The following ROBO1 variants were observed in gnomAD, a reference collection of about 807,000 sequenced individuals.
ROBO1 encodes roundabout homolog 1.
ROBO1 carries 149 observed loss-of-function variants against 195.9 expected under a neutral mutation model. The observed-to-expected ratio is 0.76, with a 90% CI of 0.67 to 0.87. The LOEUF (loss-of-function observed/expected upper bound fraction) is 0.87. ROBO1 is among the 40% of genes least tolerant of loss of function. The pLI is 0.00. For synonymous variants in ROBO1, 816 were observed against 733.2 expected, an observed-to-expected ratio of 1.11 and a Z score of -1.82; for missense variants, 1,933 against 2,068.3, an observed-to-expected ratio of 0.93 and a Z score of 1.27.
chr3:78,816,524 T>C (rs747604555), intron 4 of ROBO1, among the ~76,000 whole-genome samples: 53 of 152,266 alleles, frequency 3.5e-4, no homozygotes, highest in Non-Finnish European at 6.3e-4. Context: ...ATAGCTGCCA[T>C]AATGATTCCT....
intron 1 of ROBO1, among the ~76,000 whole-genome samples, chr3:79,748,062 G>A (rs917586912): frequency 5.3e-5 from 8 of 151,926 alleles, no homozygotes; most frequent in South Asian, 2.1e-4. Flanking sequence ...TACTACTGCA[G>A]ATTTTGTTAG....
intron 2 of ROBO1, among the ~76,000 whole-genome samples, chr3:79,393,365 T>C (rs1006010559): frequency 1.3e-5 from 2 of 152,240 alleles, no homozygotes; most frequent in African/African-American, 4.8e-5. Flanking sequence ...TCTTCACCAC[T>C]GTATGCTGGT....
At chr3:79,557,956 C>T (rs912144547) in intron 2 of ROBO1, among the ~76,000 whole-genome samples, 12 of 151,850 alleles carry the variant, frequency 7.9e-5, no homozygotes, top group African/African-American at 2.9e-4. Flanking sequence ...AGTTAACAGA[C>T]ATTGAGTGCT....
intron 21 of ROBO1, among the ~76,000 whole-genome samples, chr3:78,642,043 A>G (rs915555450): frequency 6.6e-6 from 1 of 152,044 alleles, no homozygotes; most frequent in African/African-American, 2.4e-5. Context: ...ACCTACTCTA[A>G]TAAGGGTTCT....
intron 2 of ROBO1, among the ~76,000 whole-genome samples, chr3:79,442,731 T>C (rs1383346585): frequency 2.6e-5 from 4 of 152,138 alleles, no homozygotes; most frequent in African/African-American, 9.7e-5. Context: ...TTGATACAAA[T>C]CAGCTTCAAA....
intron 8 of ROBO1, among the ~76,000 whole-genome samples, chr3:78,695,402 G>T (rs1248064208): frequency 6.6e-6 from 1 of 152,060 alleles, no homozygotes. Context: ...AAGGCAGGCG[G>T]ATCATGAAGT....
At chr3:79,156,593 C>T (rs962030042) in intron 2 of ROBO1, among the ~76,000 whole-genome samples, 1 of 151,792 alleles carries the variant, frequency 6.6e-6, no homozygotes, top group Non-Finnish European at 1.5e-5. Context: ...GACAATTCAT[C>T]TATCAAATCA....
At chr3:78,773,474 T>C (rs1184416696) in intron 4 of ROBO1, among the ~76,000 whole-genome samples, 2 of 151,748 alleles carry the variant, frequency 1.3e-5, no homozygotes, top group African/African-American at 4.8e-5. Flanking sequence ...TTTAAAATGA[T>C]TAAACTGTTG....
intron 2 of ROBO1, among the ~76,000 whole-genome samples, chr3:79,537,034 A>AAT (rs984883970): frequency 3.0e-5 from 3 of 100,060 alleles, no homozygotes; most frequent in Non-Finnish European, 6.9e-5. Context: ...TAAAAGAAAC[A>AAT]ATATTTTTTT....
chr3:78,603,558 T>C (rs1249758057), intron 29 of ROBO1, among the ~76,000 whole-genome samples: 3 of 152,164 alleles, frequency 2.0e-5, no homozygotes, highest in South Asian at 2.1e-4. Context: ...GTGTTTGATA[T>C]ATGTAGAAAT....
intron 8 of ROBO1, among the ~76,000 whole-genome samples, chr3:78,691,451 T>A (rs1241300773): frequency 6.6e-6 from 1 of 152,132 alleles, no homozygotes; most frequent in Non-Finnish European, 1.5e-5. Context: ...TTAAAAAAAT[T>A]CATTTTAAGG....
chr3:79,562,419 G>A (rs1942952215), intron 2 of ROBO1, among the ~76,000 whole-genome samples: 1 of 151,912 alleles, frequency 6.6e-6, no homozygotes, highest in Admixed American at 6.6e-5. Context: ...CGTAACTTAT[G>A]AAAAAATGCT....
At chr3:79,166,841 T>C (rs932798620) in intron 2 of ROBO1, among the ~76,000 whole-genome samples, 1 of 152,196 alleles carries the variant, frequency 6.6e-6, no homozygotes, top group African/African-American at 2.4e-5. Context: ...CACTAATGTA[T>C]TATCAGTGCC....
chr3:78,953,730 GC>G (rs2107789221), intron 3 of ROBO1, among the ~76,000 whole-genome samples: 1 of 152,070 alleles, frequency 6.6e-6, no homozygotes, highest in East Asian at 1.9e-4. Context: ...TTCAAATCTA[GC>G]CTCTGGTACT....
chr3:79,175,700 T>C (rs2081252290), intron 2 of ROBO1, among the ~76,000 whole-genome samples: 1 of 152,206 alleles, frequency 6.6e-6, no homozygotes, highest in Non-Finnish European at 1.5e-5. Context: ...TATATTCTTC[T>C]AAGACACACA....
chr3:78,891,539 C>T (rs1469015429), intron 4 of ROBO1, among the ~76,000 whole-genome samples: 1 of 152,130 alleles, frequency 6.6e-6, no homozygotes, highest in Non-Finnish European at 1.5e-5. Flanking sequence ...TCTGGCTGGT[C>T]TTTTATAAAG....
At chr3:79,497,495 G>A (rs1266252831) in intron 2 of ROBO1, among the ~76,000 whole-genome samples, 1 of 152,060 alleles carries the variant, frequency 6.6e-6, no homozygotes, top group Non-Finnish European at 1.5e-5. Context: ...TGAAATCAGA[G>A]CAACATTCAC....
chr3:78,816,294 G>A (rs992816686), intron 4 of ROBO1, among the ~76,000 whole-genome samples: 40 of 152,200 alleles, frequency 2.6e-4, no homozygotes, highest in African/African-American at 9.6e-4. Context: ...TGGGCCCATT[G>A]TTGAGACCTA....
intron 4 of ROBO1, among the ~76,000 whole-genome samples, chr3:78,778,394 G>C (rs531379916): frequency 6.6e-6 from 1 of 152,252 alleles, no homozygotes; most frequent in African/African-American, 2.4e-5. Flanking sequence ...GTTTGGAATA[G>C]TTTCAGTGGG....
Sources: allele counts gnomAD v4.1 joint callset (sites outside exome capture counted in the v4.1 genomes callset), GRCh38; gene constraint gnomAD v4.1.1; transcripts MANE v1.5; gene names NCBI Gene and HGNC (gene_info 2026-07-23, HGNC 2026-07-21).